Variants in TENM3 observed in about 807,000 individuals in gnomAD.
The protein encoded by TENM3 is teneurin-3.
A neutral mutation model predicts 255.1 loss-of-function variants in TENM3; 63 were observed. The ratio of observed to expected loss-of-function variants is 0.25; its 90% CI spans 0.20 to 0.30. The LOEUF is 0.30. Ranked by LOEUF, TENM3 falls within the 10% of genes least tolerant of loss-of-function variation. The pLI is 1.00. For synonymous variants in TENM3, 1,306 were observed against 1,322.3 expected (o/e 0.99, Z 0.27); for missense variants, 2,929 against 3,461.1 (o/e 0.85, Z 3.86).
At chr4:182,606,165 T>A (rs963012664) in intron 4 of TENM3, among the ~76,000 whole-genome samples, 1 of 152,148 alleles carries the variant, frequency 6.6e-6, no homozygotes, top group African/African-American at 2.4e-5. Flanking sequence ...AAATAATACT[T>A]AAAATATTTG....
At chr4:181,820,711 A>G in the TENM3 span, among the ~76,000 whole-genome samples, 1 of 152,172 alleles carries the variant, frequency 6.6e-6, no homozygotes, top group Non-Finnish European at 1.5e-5. Context: ...CTAGGAAACA[A>G]TATCCCTTTC....
At chr4:181,628,147 G>A in the TENM3 span, among the ~76,000 whole-genome samples, 1 of 152,198 alleles carries the variant, frequency 6.6e-6, no homozygotes, top group African/African-American at 2.4e-5. Flanking sequence ...TTTGAGAAGT[G>A]TCTGTTCCTA....
intron 1 of TENM3, among the ~76,000 whole-genome samples, chr4:182,171,804 A>G (rs769357365): frequency 1.5e-4 from 23 of 152,332 alleles, no homozygotes; most frequent in Non-Finnish European, 3.2e-4. Context: ...TGATATCACA[A>G]GACTATTAAA....
At chr4:181,769,766 T>C in the TENM3 span, among the ~76,000 whole-genome samples, 1 of 152,208 alleles carries the variant, frequency 6.6e-6, no homozygotes, top group African/African-American at 2.4e-5. Context: ...GAACGTATTA[T>C]TATTTGCAGC....
At chr4:181,649,862 T>C in the TENM3 span, among the ~76,000 whole-genome samples, 1 of 152,294 alleles carries the variant, frequency 6.6e-6, no homozygotes, top group East Asian at 1.9e-4. Flanking sequence ...AGAGATAATG[T>C]GTCATTCCAG....
intron 13 of TENM3, among the ~76,000 whole-genome samples, chr4:182,720,789 CAG>C (rs1759661199): frequency 9.3e-6 from 1 of 107,072 alleles, no homozygotes; most frequent in African/African-American, 3.1e-5. Context: ...TTTTTTGAGA[CAG>C]AGTCTTGCTC....
At chr4:181,902,928 G>A in the TENM3 span, among the ~76,000 whole-genome samples, 1 of 152,286 alleles carries the variant, frequency 6.6e-6, no homozygotes, top group Non-Finnish European at 1.5e-5. Flanking sequence ...AGTAGCATTC[G>A]TTGTAGAATA....
chr4:181,818,099 G>A, the TENM3 span, among the ~76,000 whole-genome samples: 1 of 152,112 alleles, frequency 6.6e-6, no homozygotes, highest in Non-Finnish European at 1.5e-5. Context: ...GTTTAGCTTA[G>A]TTGTACTACT....
chr4:182,363,066 G>C (rs900575376), intron 3 of TENM3, among the ~76,000 whole-genome samples: 5 of 152,162 alleles, frequency 3.3e-5, no homozygotes, highest in African/African-American at 1.2e-4. Flanking sequence ...CATGTCATCA[G>C]AAGCTTTGGA....
upstream of TENM3, among the ~76,000 whole-genome samples, chr4:182,243,210 G>T (rs138942885): frequency 6.6e-6 from 1 of 152,190 alleles, no homozygotes; most frequent in African/African-American, 2.4e-5. Flanking sequence ...CACCTCCCGG[G>T]TTCAAGCAAT....
chr4:181,964,634 C>A, the TENM3 span, among the ~76,000 whole-genome samples: 1 of 151,870 alleles, frequency 6.6e-6, no homozygotes, highest in Non-Finnish European at 1.5e-5. Flanking sequence ...TGGGAATAGG[C>A]TGATCGGGCT....
intron 1 of TENM3, among the ~76,000 whole-genome samples, chr4:182,199,954 T>A (rs1754078941): frequency 6.6e-6 from 1 of 152,092 alleles, no homozygotes; most frequent in African/African-American, 2.4e-5. Flanking sequence ...CTCTAACTCC[T>A]AGGTTCAAGT....
At chr4:182,764,184 T>C (rs1471382500) in intron 22 of TENM3, among the ~76,000 whole-genome samples, 1 of 152,216 alleles carries the variant, frequency 6.6e-6, no homozygotes, top group Non-Finnish European at 1.5e-5. Flanking sequence ...TTCAAACCTC[T>C]TAGGTTTTGA....
the TENM3 span, among the ~76,000 whole-genome samples, chr4:181,940,632 G>T: frequency 1.4e-4 from 22 of 152,198 alleles, no homozygotes; most frequent in African/African-American, 5.3e-4. Context: ...TTATGATAGG[G>T]TGGACTCATT....
the TENM3 span, among the ~76,000 whole-genome samples, chr4:182,036,466 C>T: frequency 6.9e-6 from 1 of 145,628 alleles, no homozygotes; most frequent in Non-Finnish European, 1.5e-5. Context: ...GCTAGGATTA[C>T]AGGCGTGAAC....
intron 7 of TENM3, among the ~76,000 whole-genome samples, chr4:182,678,078 TA>T (rs1331263742): frequency 6.6e-6 from 1 of 152,124 alleles, no homozygotes; most frequent in African/African-American, 2.4e-5. Context: ...TGTTTCACCA[TA>T]AACACACTTC....
intron 19 of TENM3, among the ~76,000 whole-genome samples, chr4:182,746,466 A>G (rs1158414703): frequency 6.6e-6 from 1 of 152,194 alleles, no homozygotes; most frequent in African/African-American, 2.4e-5. Context: ...GACCCACCTG[A>G]ATGGAACAGG....
At chr4:182,705,407 T>G (rs1160537045) in intron 12 of TENM3, among the ~76,000 whole-genome samples, 1 of 152,248 alleles carries the variant, frequency 6.6e-6, no homozygotes, top group African/African-American at 2.4e-5. Flanking sequence ...ATCTGATGTC[T>G]ACACTATACC....
chr4:181,840,356 A>G, the TENM3 span, among the ~76,000 whole-genome samples: 1 of 152,046 alleles, frequency 6.6e-6, no homozygotes, highest in Non-Finnish European at 1.5e-5. Flanking sequence ...TGGAACTTCT[A>G]CTGGCTTTTG....
Sources: allele counts gnomAD v4.1 joint callset (sites outside exome capture counted in the v4.1 genomes callset), GRCh38; gene constraint gnomAD v4.1.1; transcripts MANE v1.5; gene names NCBI Gene and HGNC (gene_info 2026-07-23, HGNC 2026-07-21).